ZDHHC24: variants seen among roughly 807,000 people sequenced by gnomAD.
The protein encoded by ZDHHC24 is probable palmitoyltransferase ZDHHC24.
A neutral mutation model predicts 23.2 loss-of-function variants in ZDHHC24; 17 were observed. That is an observed-to-expected ratio of 0.73 (90% confidence interval 0.50 to 1.10). ZDHHC24 has a LOEUF of 1.10. ZDHHC24 is among the 50% of genes least tolerant of loss of function. The probability of loss-of-function intolerance (pLI) is 0.00; values close to 1 mark genes in which losing one functional copy is unlikely to be tolerated. For synonymous variants in ZDHHC24, 186 were observed against 194.5 expected, an observed-to-expected ratio of 0.96 and a Z score of 0.36; for missense variants, 366 against 393.0, an observed-to-expected ratio of 0.93 and a Z score of 0.58.
rs1172789135 is a variant in ZDHHC24 at position 66,539,595 on chromosome 11, G to A, written c.789C>T (p.Ala263=). The change falls in exon 3 of 3, where the codon GCC becomes GCT. Residue 263 remains alanine (A), a synonymous_variant. Coordinates refer to ENST00000310442, the MANE Select transcript of ZDHHC24 (RefSeq NM_207340.3). ...TGATCCCATCCCCAGGCAATGGGGA[G>A]GCCAGGAAGGGCCAGAGCCAGACGA... ...WALVWLWPFL[A]SPLPGDGITF... is the part of the protein sequence containing the mutation. 1.2e-6 allele frequency: 2 copies of A among 1,612,360 alleles called. No individual in the cohort carries two copies. The highest frequency in any genetic ancestry group is 8.5e-7 in the Non-Finnish European group (1 of 1,179,260).
chr11:66,524,324 C>A (rs1856392125), intron 4 of ZDHHC24: 2 of 286,220 alleles, frequency 7.0e-6, no homozygotes, highest in South Asian at 6.7e-5. Flanking sequence ...TACCAGTCAC[C>A]ATATTGGTAG....
In ZDHHC24 at chr11:66,539,630, G is replaced by A. The variant is rs998850611; in HGVS notation, c.754C>T (p.Arg252Cys). 6 of 1,612,382 alleles carry A rather than the reference G, an allele frequency of 3.7e-6. No individual in the cohort carries two copies. The African/African-American group carries it at 4.0e-5, about 11-fold the overall frequency. The change falls in exon 3 of 3, where the codon CGC (arginine) becomes TGC (cysteine). Residue 252 changes from arginine (R) to cysteine (C), a missense_variant. Coordinates refer to ENST00000310442, the MANE Select transcript of ZDHHC24 (RefSeq NM_207340.3). ...CHNLQAALGP[R>C]WALVWLWPFL... ...GGCCAGAGCCAGACGAGGGCCCAGC[G>A]GGGCCCCAGGGCTGCCTGCAGGTTG...
Position 66,539,152 on chromosome 11 carries a change from C to G in ZDHHC24, c.*377G>C, listed in dbSNP as rs1857070027. 2 of 900,806 alleles carry G rather than the reference C, an allele frequency of 2.2e-6. No individual in the cohort carries two copies. The highest frequency in any genetic ancestry group is 3.6e-5 in the African/African-American group (2 of 55,994). The allele number at this position is 900,806 out of a possible 1,614,324, so 55.8% of individuals were successfully genotyped here. ...GGCCAGGGGAGGTAGAGCCCCAGCC[C>G]CTGAGACCCTCAGGCATCCTGCAGT... On this transcript the variant is annotated 3_prime_UTR_variant, in exon 3 of 3. Transcript: ENST00000310442.
intron 3 of ZDHHC24, chr11:66,529,278 T>C: frequency 1.3e-6 from 2 of 1,533,558 alleles, no homozygotes; most frequent in South Asian, 2.4e-5. Flanking sequence ...CCTAGGTGAC[T>C]TGATGGACAG....
At chr11:66,528,775 C>T (rs1856625184) in intron 3 of ZDHHC24, among the ~76,000 whole-genome samples, 1 of 151,978 alleles carries the variant, frequency 6.6e-6, no homozygotes, top group African/African-American at 2.4e-5. Context: ...TCGAGACCAG[C>T]CTGACCAACA....
chr11:66,530,135 A>G (rs1171447496), intron 2 of ZDHHC24, among the ~76,000 whole-genome samples: 1 of 151,800 alleles, frequency 6.6e-6, no homozygotes, highest in Non-Finnish European at 1.5e-5. Context: ...AGCAGCCCTC[A>G]CCTTCCCACC....
rs777838678 is a variant in ZDHHC24, at chr11:66,526,712, T to G, written c.*21+224A>C. ...GTGTTTGTAGAGGGAGGAAGTGAGGTGGGTCCCCCACCAGCCCAGGCCATG... is the reference window on the plus strand; with the variant it reads ...GTGTTTGTAGAGGGAGGAAGTGAGGGGGGTCCCCCACCAGCCCAGGCCATG... On this transcript the variant is annotated intron_variant, in intron 4 of 4. Transcript: ENST00000526986. 49 of 1,614,004 alleles carry G rather than the reference T, an allele frequency of 3.0e-5. No homozygotes were observed. Among genetic ancestry groups the G allele is most frequent in the Middle Eastern group, 3.3e-4 (2 of 6,084 alleles).
chr11:66,540,128 C>A lies in ZDHHC24; in HGVS notation c.560-304G>T, dbSNP rs377015493. Among the ~76,000 whole-genome samples, 21 of 152,206 alleles carry A rather than the reference C, an allele frequency of 1.4e-4. 1 individual carries two copies. In the East Asian group the frequency reaches 3.1e-3, roughly 22 times the overall value. On this transcript the variant is annotated intron_variant, in intron 2 of 2. Transcript: ENST00000310442. ...GGGGAGCTCACAGACATTAAAGAGG[C>A]CATTCTTGGCTGGATGCGGTGGCTC...
chr11:66,526,560 T>C lies in ZDHHC24; in HGVS notation c.*21+376A>G, dbSNP rs977943821. On this transcript the variant is annotated intron_variant, in intron 4 of 4. Transcript: ENST00000526986. ...AGACGGATGTGTACAGAAGCAACTC[T>C]ATAGGAGGCAGATTGTTTGGGGAAG... 1.5e-5 allele frequency: 23 copies of C among 1,558,170 alleles called. No homozygotes were observed. The African/African-American group carries it at 3.0e-4, about 20-fold the overall frequency.
Position 66,526,818 on chromosome 11 carries a change from G to A in ZDHHC24, c.*21+118C>T, listed in dbSNP as rs371728271. ...GGGAGGCTGGCACCGGTGAGCCTCAGACTGGGTCCTTTCCCTTCTTCCTCC... is the reference window on the plus strand; with the variant it reads ...GGGAGGCTGGCACCGGTGAGCCTCAAACTGGGTCCTTTCCCTTCTTCCTCC... On this transcript the variant is annotated intron_variant, in intron 4 of 4. Transcript: ENST00000526986. The A allele has an allele frequency of 3.1e-6, 5 of 1,614,230 alleles. No individual in the cohort carries two copies. The African/African-American group carries it at 6.7e-5, about 22-fold the overall frequency.
At chr11:66,541,677 C>T (rs1004489765) in intron 2 of ZDHHC24, among the ~76,000 whole-genome samples, 1 of 152,136 alleles carries the variant, frequency 6.6e-6, no homozygotes, top group Non-Finnish European at 1.5e-5. Context: ...AGGGCAACCA[C>T]AAAGGAAGGT....
In ZDHHC24 at chr11:66,536,722, A is replaced by C. The variant is rs1856979023; in HGVS notation, c.*2807T>G. The C allele has an allele frequency of 6.6e-6, 1 of 151,324 alleles. No individual in the cohort carries two copies. The highest frequency in any genetic ancestry group is 1.5e-5 in the Non-Finnish European group (1 of 67,776). The allele number at this position is 151,324 out of a possible 1,614,324, so 9.4% of individuals were successfully genotyped here. On this transcript the variant is annotated 3_prime_UTR_variant, in exon 3 of 3. Coordinates refer to ENST00000310442, the MANE Select transcript of ZDHHC24 (RefSeq NM_207340.3). ...CCCCGTCTCTACTAAAAATACAAAA[A>C]CAATTAGCCGGGCATGGTGGCACAT...
intron 2 of ZDHHC24, chr11:66,529,520 AC>A (rs1332780704): frequency 2.8e-6 from 2 of 716,300 alleles, no homozygotes; most frequent in African/African-American, 1.7e-5. Context: ...TGAGAAGAGG[AC>A]CATGGACCAG....
chr11:66,540,368 A>G (rs1857115023), intron 2 of ZDHHC24, among the ~76,000 whole-genome samples: 1 of 142,666 alleles, frequency 7.0e-6, no homozygotes, highest in Non-Finnish European at 1.5e-5. Flanking sequence ...CAGAGGTTGC[A>G]GTGAGCTGAG....
intron 4 of ZDHHC24, chr11:66,523,392 AGG>A: frequency 3.1e-6 from 5 of 1,612,610 alleles, no homozygotes; most frequent in Non-Finnish European, 4.2e-6. Flanking sequence ...TAGACAGAGG[AGG>A]GTCAGCCATA....
chr11:66,535,659 CAT>C lies in ZDHHC24; in HGVS notation c.*3868_*3869del, dbSNP rs1856944904. Among the ~76,000 whole-genome samples, 1 of 152,088 alleles carries C rather than the reference CAT, an allele frequency of 6.6e-6. No individual in the cohort carries two copies. The highest frequency in any genetic ancestry group is 2.4e-5 in the African/African-American group (1 of 41,408). ...AAAAGGTACACAACTTTATTGAAAA[CAT>C]TGAGTGCAGAAATAAACCCTGCTCA... On this transcript the variant is annotated 3_prime_UTR_variant, in exon 3 of 3. Transcript: ENST00000310442.
At position 66,539,475 on chromosome 11, in the gene ZDHHC24, T is replaced by TG; in HGVS notation, c.*53dup. The TG allele has an allele frequency of 6.8e-7, 1 of 1,480,106 alleles. No individual in the cohort carries two copies. Among genetic ancestry groups the TG allele is most frequent in the Non-Finnish European group, 8.9e-7 (1 of 1,117,408 alleles). 91.7% of individuals were successfully genotyped at this position (1,480,106 alleles called of 1,614,324 possible). A position where few individuals can be genotyped will look rare whatever the true frequency, so the allele number is the denominator to read the frequency against. ...CCGACTTCCTTACTGAGTCTAGGTG[T>TG]GGGGGCCCCCCTCTCACCCCTTCCT... On this transcript the variant is annotated 3_prime_UTR_variant, in exon 3 of 3. Transcript: ENST00000310442.
At chr11:66,530,266 T>C (rs1027987822) in intron 2 of ZDHHC24, among the ~76,000 whole-genome samples, 1 of 152,012 alleles carries the variant, frequency 6.6e-6, no homozygotes, top group South Asian at 2.1e-4. Flanking sequence ...TCCTTACAGC[T>C]ATGGTACAAG....
chr11:66,540,182 G>A (rs189599482), intron 2 of ZDHHC24, among the ~76,000 whole-genome samples: 278 of 152,112 alleles, frequency 1.8e-3, no homozygotes, highest in African/African-American at 6.2e-3. Context: ...CTTTGGGGGG[G>A]CGAAGCAGAT....
Sources: gnomAD v4.1 joint callset for allele counts (sites outside exome capture counted in the v4.1 genomes callset) on GRCh38, gnomAD v4.1.1 for gene constraint, MANE v1.5 for transcripts, NCBI Gene and HGNC (gene_info 2026-07-23, HGNC 2026-07-21) for gene names.